FAM185A: variants seen among roughly 807,000 people sequenced by gnomAD.
FAM185A encodes the protein family with sequence similarity 185 member A.
Under a neutral mutation model 45.7 loss-of-function variants are expected in FAM185A, and 21 were observed. The observed-to-expected ratio is 0.46, with a 90% confidence interval of 0.33 to 0.66. FAM185A has a LOEUF of 0.66. Among genes scored for constraint, FAM185A ranks in the 30% least tolerant of loss-of-function variants. FAM185A has a pLI of 0.03. For missense variants in FAM185A, 305 were observed against 485.4 expected (o/e 0.63, Z 3.49); for synonymous variants, 117 against 194.0 (o/e 0.60, Z 3.30).
rs1270831771 is a variant in FAM185A at position 102,808,775 on chromosome 7, C to T, written c.*373C>T. On this transcript the variant is annotated 3_prime_UTR_variant, in exon 8 of 8. Coordinates refer to ENST00000413034, the MANE Select transcript of FAM185A (RefSeq NM_001145268.2). ...ATTGGGAAAATCCAGTTCCTTGTGA[C>T]TGGATGACTGAGGTCTCCATTTTCT... The T allele has an allele frequency of 1.1e-5, 2 of 188,700 alleles. No homozygotes were observed. Among genetic ancestry groups the T allele is most frequent in the Admixed American group, 5.6e-5 (1 of 18,010 alleles). 11.7% of individuals were successfully genotyped at this position (188,700 alleles called of 1,614,324 possible).
the FAM185A span, among the ~76,000 whole-genome samples, chr7:102,835,841 C>A: frequency 6.6e-6 from 1 of 151,900 alleles, no homozygotes; most frequent in Middle Eastern, 3.4e-3. Flanking sequence ...GATCTCCTGA[C>A]CTCGTGATCC....
the FAM185A span, among the ~76,000 whole-genome samples, chr7:102,839,015 C>G: frequency 2.6e-5 from 4 of 152,180 alleles, no homozygotes; most frequent in African/African-American, 9.7e-5. Context: ...CCTGCCTGCC[C>G]CTGGAAACGG....
chr7:102,751,733 C>G lies in FAM185A; in HGVS notation c.493C>G (p.Gln165Glu). The part of the protein sequence containing the change: ...KSSGSGCVKV[Q>E]SIEGDNCKIE... ...ATCAGGGTCTGGCTGTGTAAAAGTT[C>G]AAAGTATTGAGGGTGATAATTGCAA... Residue 165 changes from glutamine to glutamate, a missense_variant, in exon 2 of 8, where the codon CAA (glutamine) becomes GAA (glutamate). By Grantham distance (29) the Gln-to-Glu change is conservative. Around this residue, in one of 5 missense-constraint regions of FAM185A, gnomAD observed 174 missense variants for 247.1 expected, o/e 0.70. Transcript: ENST00000413034. 6.4e-7 allele frequency: 1 copy of G among 1,551,398 alleles called. No homozygotes were observed. Among genetic ancestry groups the G allele is most frequent in the Non-Finnish European group, 8.7e-7 (1 of 1,146,756 alleles).
chr7:102,818,822 A>G, the FAM185A span, among the ~76,000 whole-genome samples: 6 of 152,160 alleles, frequency 3.9e-5, no homozygotes, highest in Non-Finnish European at 8.8e-5. Context: ...TCAGGAGTAC[A>G]TGTACAAGAT....
chr7:102,782,454 A>G (rs7786799), intron 6 of FAM185A, among the ~76,000 whole-genome samples: 1 of 152,230 alleles, frequency 6.6e-6, no homozygotes, highest in African/African-American at 2.4e-5. Flanking sequence ...CTGATCTCTC[A>G]GCAGAAACTC....
intron 6 of FAM185A, among the ~76,000 whole-genome samples, chr7:102,786,606 C>T (rs182097531): frequency 2.4e-3 from 365 of 152,276 alleles, no homozygotes; most frequent in Non-Finnish European, 4.2e-3. Flanking sequence ...CATGTTCTCA[C>T]TGATAGGTGG....
At chr7:102,824,947 C>T in the FAM185A span, among the ~76,000 whole-genome samples, 1 of 151,940 alleles carries the variant, frequency 6.6e-6, no homozygotes, top group East Asian at 1.9e-4. Flanking sequence ...TTTGTTTTTC[C>T]TAGTGCATTC....
intron 7 of FAM185A, among the ~76,000 whole-genome samples, chr7:102,796,369 C>T (rs1315909258): frequency 6.6e-6 from 1 of 152,246 alleles, no homozygotes; most frequent in Non-Finnish European, 1.5e-5. Flanking sequence ...ATTTGGGCAG[C>T]TTCCAGCTGC....
rs1382198474 is a variant in FAM185A, at chr7:102,762,203, T to A, written c.793+792T>A. ...CAGGTTTTCTCAGCACCCTGTTGTT[T>A]CCATTTTCTTTGATAAATATCCTCT... On this transcript the variant is annotated intron_variant, in intron 4 of 7. Transcript: ENST00000413034. Among the ~76,000 whole-genome samples, 3 of 152,206 alleles carry A rather than the reference T, an allele frequency of 2.0e-5. No individual in the cohort carries two copies. The East Asian group carries it at 5.8e-4, about 29-fold the overall frequency.
intron 2 of FAM185A, among the ~76,000 whole-genome samples, chr7:102,753,230 C>G (rs1793483835): frequency 6.6e-6 from 1 of 151,402 alleles, no homozygotes; most frequent in Admixed American, 6.6e-5. Flanking sequence ...GTCATTGATA[C>G]TTAAGTTTCA....
rs1417490558 is a variant in FAM185A at position 102,757,885 on chromosome 7, G to A, written c.593G>A (p.Gly198Asp). ...AAATTGCATGTTCAAACAAAAGGAGGCAAAGTGATCTGTCTGGGAACAGTT... is the reference window on the plus strand; with the variant it reads ...AAATTGCATGTTCAAACAAAAGGAGACAAAGTGATCTGTCTGGGAACAGTT... ...GQKLHVQTKG[G>D]KVICLGTVYG... The change falls in exon 3 of 8, where the codon GGC (glycine) becomes GAC (aspartate). Residue 198 changes from glycine (G) to aspartate (D), a missense_variant. Transcript: ENST00000413034. 1 of 1,543,954 alleles carries A rather than the reference G, an allele frequency of 6.5e-7. No homozygotes were observed. The highest frequency in any genetic ancestry group is 8.7e-7 in the Non-Finnish European group (1 of 1,144,072).
intron 6 of FAM185A, among the ~76,000 whole-genome samples, chr7:102,786,309 G>C (rs1422293495): frequency 6.6e-6 from 1 of 152,216 alleles, no homozygotes; most frequent in Non-Finnish European, 1.5e-5. Context: ...AATACCATTT[G>C]ACCCAGCAAT....
At chr7:102,796,158 T>C (rs1796428027) in intron 7 of FAM185A, among the ~76,000 whole-genome samples, 1 of 152,032 alleles carries the variant, frequency 6.6e-6, no homozygotes. Context: ...CAGTCTGAGA[T>C]GAAATCATAG....
At chr7:102,751,372 A>G (rs1327238999) in intron 1 of FAM185A, among the ~76,000 whole-genome samples, 1 of 152,154 alleles carries the variant, frequency 6.6e-6, no homozygotes. Context: ...AGTCATGATC[A>G]TATATACTGG....
At chr7:102,766,619 A>AAC (rs61168671) in intron 4 of FAM185A, among the ~76,000 whole-genome samples, 35,296 of 150,202 alleles carry the variant, frequency 0.23, 6,125 homozygotes, top group African/African-American at 0.5. Context: ...ACAATTTTAA[A>AAC]ACAGAATCTT....
At chr7:102,814,094 GT>G (rs1219159518), downstream of FAM185A, among the ~76,000 whole-genome samples, 1 of 152,154 alleles carries the variant, frequency 6.6e-6, no homozygotes, top group African/African-American at 2.4e-5. Context: ...TACTGTTATA[GT>G]CTTTCTTAGC....
intron 4 of FAM185A, among the ~76,000 whole-genome samples, chr7:102,771,635 T>G (rs952203955): frequency 1.3e-5 from 2 of 152,096 alleles, no homozygotes; most frequent in African/African-American, 4.8e-5. Context: ...AAGTTATTCC[T>G]TTACTTTTTA....
chr7:102,759,367 T>C (rs757908724), intron 3 of FAM185A, among the ~76,000 whole-genome samples: 7 of 152,156 alleles, frequency 4.6e-5, no homozygotes, highest in Non-Finnish European at 1.0e-4. Flanking sequence ...GTGTTTTACT[T>C]GCTATTATAC....
chr7:102,793,201 T>TG (rs1796239878), intron 7 of FAM185A, among the ~76,000 whole-genome samples: 1 of 50,128 alleles, frequency 2.0e-5, no homozygotes, highest in African/African-American at 1.8e-4. Context: ...TTTTATGGTG[T>TG]TTTTTTTTTG....
Sources: gnomAD v4.1 joint callset for allele counts (sites outside exome capture counted in the v4.1 genomes callset) on GRCh38, gnomAD v4.1.1 for gene constraint, gnomAD v4.1.1 regional missense constraint, MANE v1.5 for transcripts, NCBI Gene and HGNC (gene_info 2026-07-23, HGNC 2026-07-21) for gene names.